WFDC10B: variants seen among roughly 807,000 people sequenced by gnomAD.
WFDC10B encodes WAP four-disulfide core domain 10B.
Under a neutral mutation model 2.7 loss-of-function variants are expected in WFDC10B, and 1 was observed. The ratio of observed to expected loss-of-function variants is 0.38; its 90% CI spans 0.13 to 1.79. WFDC10B has a LOEUF of 1.79. WFDC10B is among the 40% of genes most tolerant of loss of function. WFDC10B has a pLI of 0.33. For synonymous variants in WFDC10B, 26 were observed against 32.2 expected, an observed-to-expected ratio of 0.81 and a Z score of 0.65; for missense variants, 71 against 87.8, an observed-to-expected ratio of 0.81 and a Z score of 0.76.
At chr20:45,702,050 C>G in intron 2 of WFDC10B, 12 of 1,436,588 alleles carry the variant, frequency 8.4e-6, no homozygotes, top group Non-Finnish European at 1.1e-5. Flanking sequence ...CTTTCCTTCT[C>G]TTCTCCTCAC....
At chr20:45,695,103 CAAATTATCA>C (rs372147964) in intron 2 of WFDC10B, among the ~76,000 whole-genome samples, 89 of 152,236 alleles carry the variant, frequency 5.8e-4, no homozygotes, top group African/African-American at 1.8e-3. Flanking sequence ...GCTGTTTCAG[CAAATTATCA>C]AACTTTCAGA....
intron 2 of WFDC10B, among the ~76,000 whole-genome samples, chr20:45,702,570 T>C (rs1984209888): frequency 6.6e-6 from 1 of 152,206 alleles, no homozygotes; most frequent in Non-Finnish European, 1.5e-5. Flanking sequence ...TCATGGATGC[T>C]TGGACTCACT....
At chr20:45,697,848 A>T (rs2145640759) in intron 2 of WFDC10B, among the ~76,000 whole-genome samples, 1 of 151,290 alleles carries the variant, frequency 6.6e-6, no homozygotes, top group Admixed American at 6.6e-5. Context: ...GGTTCAAGCA[A>T]TTCTCCTGCT....
chr20:45,689,991 C>T (rs545361484), intron 2 of WFDC10B, among the ~76,000 whole-genome samples: 17 of 151,840 alleles, frequency 1.1e-4, no homozygotes, highest in African/African-American at 3.9e-4. Context: ...TCATAGATAG[C>T]TCTTATTATT....
intron 2 of WFDC10B, among the ~76,000 whole-genome samples, chr20:45,703,278 G>A (rs1478825803): frequency 6.6e-6 from 1 of 152,118 alleles, no homozygotes; most frequent in Non-Finnish European, 1.5e-5. Flanking sequence ...GTGCCCCAGT[G>A]AGCTATAGAA....
intron 2 of WFDC10B, among the ~76,000 whole-genome samples, chr20:45,688,970 T>G (rs1983718719): frequency 6.6e-6 from 1 of 151,822 alleles, no homozygotes; most frequent in South Asian, 2.1e-4. Flanking sequence ...TTTTATGGTT[T>G]TAGGTATAAC....
chr20:45,685,041 C>G, intron 3 of WFDC10B, 81 bp from the exon 4 acceptor site: 1 of 1,577,668 alleles, frequency 6.3e-7, no homozygotes, highest in Admixed American at 1.8e-5. Flanking sequence ...CTCCATGGCC[C>G]CAGAACCAAG....
intron 2 of WFDC10B, among the ~76,000 whole-genome samples, chr20:45,701,857 G>A (rs181439910): frequency 8.5e-5 from 13 of 152,066 alleles, no homozygotes; most frequent in African/African-American, 2.9e-4. Context: ...TAAGGGACAT[G>A]AATAAGATCT....
chr20:45,691,976 G>A (rs929441677), intron 2 of WFDC10B, among the ~76,000 whole-genome samples: 17 of 152,098 alleles, frequency 1.1e-4, no homozygotes, highest in Admixed American at 7.2e-4. Flanking sequence ...GGCTGGTAAC[G>A]GTTGTTCCTT....
chr20:45,701,521 A>G (rs931628008), intron 2 of WFDC10B, among the ~76,000 whole-genome samples: 33 of 152,098 alleles, frequency 2.2e-4, no homozygotes, highest in Non-Finnish European at 2.9e-5. Flanking sequence ...TAGCACTTTG[A>G]GAGGCTGAGG....
chr20:45,691,069 A>G lies in WFDC10B; in HGVS notation c.-64-5013T>C, dbSNP rs1983796698. Among the ~76,000 whole-genome samples the G allele has an allele frequency of 2.6e-5, 4 of 152,066 alleles. No individual in the cohort carries two copies. The South Asian group carries it at 8.3e-4, about 31-fold the overall frequency. ...CTGATTGGTTTCAAAGAACATCTTT[A>G]TTTCTGCCTTCATTTCGTTATGTAC... On this transcript the variant is annotated intron_variant, in intron 2 of 3. Coordinates refer to ENST00000330523, the MANE Select transcript of WFDC10B (RefSeq NM_172006.2).
At chr20:45,697,940 C>T (rs1307273251) in intron 2 of WFDC10B, among the ~76,000 whole-genome samples, 1 of 151,168 alleles carries the variant, frequency 6.6e-6, no homozygotes, top group Non-Finnish European at 1.5e-5. Flanking sequence ...GATGGGGTTT[C>T]ACTATGTTGG....
intron 2 of WFDC10B, among the ~76,000 whole-genome samples, chr20:45,695,153 A>C (rs989574577): frequency 1.3e-5 from 2 of 152,228 alleles, no homozygotes; most frequent in African/African-American, 4.8e-5. Flanking sequence ...ATTTATAGCC[A>C]GTAGATCAAA....
chr20:45,703,252 G>A (rs775644251), intron 2 of WFDC10B, among the ~76,000 whole-genome samples: 2 of 152,178 alleles, frequency 1.3e-5, no homozygotes, highest in Admixed American at 1.3e-4. Context: ...GTGTGGATTA[G>A]TTCCAATTTC....
intron 1 of WFDC10B, 73 bp from the exon 2 acceptor site, chr20:45,704,634 C>T (rs1257793773): frequency 6.2e-7 from 1 of 1,605,802 alleles, no homozygotes; most frequent in Non-Finnish European, 8.5e-7. Context: ...CCTAGAGCTG[C>T]TGGTGGGAGC....
intron 2 of WFDC10B, among the ~76,000 whole-genome samples, chr20:45,697,350 G>A (rs969349373): frequency 1.4e-5 from 2 of 146,416 alleles, no homozygotes; most frequent in African/African-American, 5.0e-5. Flanking sequence ...AATTATAGAA[G>A]ACCTCAAGAA....
chr20:45,689,531 T>C (rs1332423673), intron 2 of WFDC10B, among the ~76,000 whole-genome samples: 1 of 152,198 alleles, frequency 6.6e-6, no homozygotes, highest in Non-Finnish European at 1.5e-5. Flanking sequence ...CAGTGGTTTG[T>C]AGTTCTCCTT....
chr20:45,699,353 A>G lies in WFDC10B; in HGVS notation c.-65+5144T>C, dbSNP rs550500173. The stretch of plus-strand genomic sequence containing the variant: ...AAATGTTCATAGCTGCATTATTTGC[A>G]ATTGCCAAAGCAAGGAAACAGCTGA... On this transcript the variant is annotated intron_variant, in intron 2 of 3. Transcript: ENST00000330523. Among the ~76,000 whole-genome samples the G allele has an allele frequency of 4.6e-5, 7 of 152,364 alleles. No homozygotes were observed. In the East Asian group the frequency reaches 1.3e-3, roughly 29 times the overall value.
At chr20:45,687,444 G>T (rs6065863) in intron 2 of WFDC10B, among the ~76,000 whole-genome samples, 26,637 of 151,986 alleles carry the variant, frequency 0.18, 2,516 homozygotes, top group East Asian at 0.32. Context: ...TCATGTCTTT[G>T]CTATTGTGAA....
Sources: gnomAD v4.1 joint callset for allele counts (sites outside exome capture counted in the v4.1 genomes callset) on GRCh38, gnomAD v4.1.1 for gene constraint, MANE v1.5 for transcripts, NCBI Gene and HGNC (gene_info 2026-07-23, HGNC 2026-07-21) for gene names.